Variants in SLC19A1 observed in about 807,000 individuals in gnomAD.
SLC19A1 encodes the protein reduced folate transporter.
In SLC19A1, 37 loss-of-function variants were observed where a neutral mutation model predicts 35.3. That is an observed-to-expected ratio of 1.05 (90% CI 0.81 to 1.38). The LOEUF (loss-of-function observed/expected upper bound fraction) is 1.38. SLC19A1 is among the 40% of genes most tolerant of loss of function. The pLI is 0.00. For missense variants in SLC19A1, 831 were observed against 826.9 expected, an observed-to-expected ratio of 1.00 and a Z score of -0.06; for synonymous variants, 460 against 398.5, an observed-to-expected ratio of 1.15 and a Z score of -1.84.
rs1444589210 is a variant in SLC19A1 at position 45,531,313 on chromosome 21, G to T, written c.949+76C>A. ...GGGGCGGGAGAGGGAGCCTCCGGGG[G>T]AAGGATCCACGGGGCAGGCGGAGGT... On this transcript the variant is annotated intron_variant, in intron 3 of 5. Transcript: ENST00000311124. 8 of 1,514,000 alleles carry T rather than the reference G, an allele frequency of 5.3e-6. No individual in the cohort carries two copies. In the Admixed American group the frequency reaches 1.3e-4, roughly 25 times the overall value. 93.8% of individuals were successfully genotyped at this position (1,514,000 alleles called of 1,614,324 possible).
At chr21:45,538,941 G>A (rs1011173356) in intron 1 of SLC19A1, among the ~76,000 whole-genome samples, 1 of 152,202 alleles carries the variant, frequency 6.6e-6, no homozygotes, top group South Asian at 2.1e-4. Context: ...AAGCACACTC[G>A]AGGGCGTGTC....
chr21:45,535,544 G>A (rs1034510857), intron 2 of SLC19A1, among the ~76,000 whole-genome samples: 3 of 152,214 alleles, frequency 2.0e-5, no homozygotes, highest in Non-Finnish European at 2.9e-5. Context: ...GCGGCCAGAC[G>A]GCCGGCGCTC....
rs113948080 is a variant in SLC19A1 at position 45,534,510 on chromosome 21, G to A, written c.190-2362C>T. Reference sequence around the variant, plus strand: ...ACCCCACGGCTCTCTGGAAAAGGGCGGCCAGGGGTCCTAGAAGCCTCACCC... The same window carrying A: ...ACCCCACGGCTCTCTGGAAAAGGGCAGCCAGGGGTCCTAGAAGCCTCACCC... On this transcript the variant is annotated intron_variant, in intron 2 of 5. Coordinates refer to ENST00000311124, the MANE Select transcript of SLC19A1 (RefSeq NM_194255.4). The surrounding 1 kb of genome is among the most constrained non-coding windows in gnomAD (Gnocchi z 4.2). 213 of 1,506,268 alleles carry A rather than the reference G, an allele frequency of 1.4e-4. No homozygotes were observed. In the African/African-American group the frequency reaches 1.8e-3, roughly 13 times the overall value. 93.3% of individuals were successfully genotyped at this position (1,506,268 alleles called of 1,614,324 possible).
At chr21:45,558,554 A>G (rs2078585858) in intron 1 of SLC19A1, among the ~76,000 whole-genome samples, 1 of 152,322 alleles carries the variant, frequency 6.6e-6, no homozygotes, top group South Asian at 2.1e-4. Context: ...GTATGTGGCC[A>G]GTGTGACTTG....
At chr21:45,525,038 T>TA (rs1320342031) in intron 5 of SLC19A1, among the ~76,000 whole-genome samples, 14 of 152,332 alleles carry the variant, frequency 9.2e-5, no homozygotes, top group Middle Eastern at 3.4e-3. Context: ...CATCCTCACC[T>TA]AACAGGCATT....
At chr21:45,504,374 A>G (rs745862494) in intron 3 of SLC19A1, 3 of 1,592,422 alleles carry the variant, frequency 1.9e-6, no homozygotes, top group South Asian at 2.3e-5. Flanking sequence ...TGTGGCTTGT[A>G]GGGGTTCAGG....
At chr21:45,538,665 G>A (rs1602890959) in intron 1 of SLC19A1, among the ~76,000 whole-genome samples, 1 of 152,342 alleles carries the variant, frequency 6.6e-6, no homozygotes, top group African/African-American at 2.4e-5. Context: ...GCTGAGAGCA[G>A]CCAGGGTTGA....
chr21:45,510,470 G>C (rs2838953), downstream of SLC19A1, among the ~76,000 whole-genome samples: 91,950 of 152,032 alleles, frequency 0.6, 28,499 homozygotes, highest in African/African-American at 0.75. Context: ...GCACTGCCAC[G>C]TCCCCCAGGG....
chr21:45,522,294 A>C (rs1403883519), intron 5 of SLC19A1, among the ~76,000 whole-genome samples: 1 of 152,226 alleles, frequency 6.6e-6, no homozygotes, highest in Non-Finnish European at 1.5e-5. Flanking sequence ...CCACAATGAA[A>C]TATCACTACA....
rs773969659 is a variant in SLC19A1 at position 45,530,784 on chromosome 21, G to C, written c.1137C>G (p.Leu379=). The C allele has an allele frequency of 1.5e-5, 23 of 1,562,680 alleles. No individual in the cohort carries two copies. In the South Asian group the frequency reaches 2.2e-4, roughly 15 times the overall value. ...FVLFRGSYQF[L]VPIATFQIAS... is the part of the protein sequence containing the mutation. ...CTGGAACTCACGTGGCGATGGGCAC[G>C]AGGAACTGGTAGGAGCCGCGGAACA... The change falls in exon 4 of 6, where the codon CTC becomes CTG. Residue 379 remains leucine, a synonymous_variant. Transcript: ENST00000311124. The surrounding 1 kb of genome is among the most constrained non-coding windows in gnomAD (Gnocchi z 5.3).
At chr21:45,508,450 AGTGGATGG>A (rs1283342011), downstream of SLC19A1, among the ~76,000 whole-genome samples, 20 of 94,554 alleles carry the variant, frequency 2.1e-4, 1 homozygote, top group South Asian at 3.2e-3. Context: ...TAAGTGGGTG[AGTGGATGG>A]GTGGATGGAC....
At position 45,505,880 on chromosome 21, in the gene SLC19A1, C is replaced by T. The variant is rs2146087846; in HGVS notation, c.498-7268G>A. On this transcript the variant is annotated intron_variant, in intron 3 of 4. Transcript: ENST00000417954. The stretch of plus-strand genomic sequence containing the variant: ...ACGCCAGGCCATGCTGGGCCAGGTG[C>T]ACGAGGTTCCCGAGGGCTGGCTCAT... The T allele has an allele frequency of 6.2e-7, 1 of 1,611,616 alleles. No individual in the cohort carries two copies. The highest frequency in any genetic ancestry group is 8.5e-7 in the Non-Finnish European group (1 of 1,179,550).
In SLC19A1 at chr21:45,534,135, G is replaced by A. The variant is rs886327303; in HGVS notation, c.190-1987C>T. Among the ~76,000 whole-genome samples the A allele has an allele frequency of 3.9e-5, 6 of 152,190 alleles. No individual in the cohort carries two copies. Among genetic ancestry groups the A allele is most frequent in the Non-Finnish European group, 7.4e-5 (5 of 68,022 alleles). On this transcript the variant is annotated intron_variant, in intron 2 of 5. Coordinates refer to ENST00000311124, the MANE Select transcript of SLC19A1 (RefSeq NM_194255.4). This position sits in a 1 kb window ranked among gnomAD's most constrained non-coding sequence, Gnocchi z 4.2. ...AGGGCAGGTTATGTGCCAGGAGGCT[G>A]AGTGAGCCCGCCGGGTCACAGAGAG...
chr21:45,525,604 G>A (rs1035837298), intron 5 of SLC19A1, among the ~76,000 whole-genome samples: 1 of 152,194 alleles, frequency 6.6e-6, no homozygotes, highest in Non-Finnish European at 1.5e-5. Flanking sequence ...CCCAGGGCCT[G>A]ACGGAGGCTC....
chr21:45,545,750 C>T (rs1235069547), upstream of SLC19A1, among the ~76,000 whole-genome samples: 2 of 152,326 alleles, frequency 1.3e-5, no homozygotes, highest in East Asian at 1.9e-4. Flanking sequence ...ACCGGCCTGC[C>T]ATGCCCCAGC....
chr21:45,511,127 C>T (rs769908774), downstream of SLC19A1: 4 of 1,575,148 alleles, frequency 2.5e-6, no homozygotes, highest in South Asian at 1.1e-5. Flanking sequence ...CTGCTGTTTC[C>T]CAGCTGGGAG....
intron 3 of SLC19A1, chr21:45,507,369 G>A: frequency 1.5e-6 from 1 of 672,200 alleles, no homozygotes; most frequent in Non-Finnish European, 2.7e-6. Context: ...GCTGTGGACT[G>A]GGAGGGCCGG....
At chr21:45,550,028 C>T (rs2078450454) in intron 1 of SLC19A1, among the ~76,000 whole-genome samples, 1 of 152,102 alleles carries the variant, frequency 6.6e-6, no homozygotes. Context: ...ACTGTCTCTC[C>T]CCGGCCAGGC....
At chr21:45,503,805 A>C (rs942530999) in intron 3 of SLC19A1, 1 of 326,910 alleles carries the variant, frequency 3.1e-6, no homozygotes, top group African/African-American at 2.2e-5. Flanking sequence ...TAAAAAATTT[A>C]AAAATAAAAT....
Sources: gnomAD v4.1 joint callset for allele counts (sites outside exome capture counted in the v4.1 genomes callset) on GRCh38, gnomAD v4.1.1 for gene constraint, Gnocchi (gnomAD v3.1) non-coding constraint, MANE v1.5 for transcripts, NCBI Gene and HGNC (gene_info 2026-07-23, HGNC 2026-07-21) for gene names.